Variants in LRIG1 observed in about 807,000 individuals in gnomAD.
LRIG1 encodes the protein leucine-rich repeats and immunoglobulin-like domains protein 1.
LRIG1 carries 48 observed loss-of-function variants against 99.2 expected under a neutral mutation model. The observed-to-expected ratio is 0.48, with a 90% confidence interval of 0.38 to 0.62. LRIG1 has a LOEUF of 0.62. Ranked by LOEUF, LRIG1 falls within the 20% of genes least tolerant of loss-of-function variation. LRIG1 has a pLI of 0.00. For missense variants in LRIG1, 1,646 were observed against 1,434.4 expected, an observed-to-expected ratio of 1.15 and a Z score of -2.38; for synonymous variants, 772 against 596.1, an observed-to-expected ratio of 1.29 and a Z score of -4.30.
At chr3:66,428,418 C>A (rs889362972) in intron 3 of LRIG1, among the ~76,000 whole-genome samples, 1 of 152,106 alleles carries the variant, frequency 6.6e-6, no homozygotes, top group African/African-American at 2.4e-5. Flanking sequence ...CAAGCTCAAT[C>A]TAATCTTCTT....
chr3:66,495,835 G>A (rs978764731), intron 1 of LRIG1, among the ~76,000 whole-genome samples: 3 of 152,218 alleles, frequency 2.0e-5, no homozygotes, highest in African/African-American at 4.8e-5. Context: ...AGAGGAGGCT[G>A]AAGACTTTGC....
chr3:66,405,861 G>T (rs893366634), intron 8 of LRIG1: 8 of 1,097,484 alleles, frequency 7.3e-6, no homozygotes, highest in South Asian at 2.2e-5. Flanking sequence ...TGACCCACTC[G>T]CCAGGATCAG....
At chr3:66,491,917 GAAGT>G (rs1424573871) in intron 1 of LRIG1, among the ~76,000 whole-genome samples, 1 of 152,180 alleles carries the variant, frequency 6.6e-6, no homozygotes, top group African/African-American at 2.4e-5. Context: ...CAGAGCAACA[GAAGT>G]GAGTTAGTTT....
At chr3:66,428,378 G>GGGGAGGGCCTGGGGCCACC (rs1703049647) in intron 3 of LRIG1, among the ~76,000 whole-genome samples, 1 of 152,122 alleles carries the variant, frequency 6.6e-6, no homozygotes, top group South Asian at 2.1e-4. Flanking sequence ...AAACACATTA[G>GGGGAGGGCCTGGGGCCACC]GAATATAGCC....
intron 1 of LRIG1, chr3:66,498,028 A>G (rs191839299): frequency 9.8e-5 from 15 of 152,374 alleles, no homozygotes; most frequent in Admixed American, 9.1e-4. Context: ...AGAAGTCTGA[A>G]GTCTAGAAAA....
intron 3 of LRIG1, among the ~76,000 whole-genome samples, chr3:66,445,442 C>T (rs150567290): frequency 1.3e-5 from 2 of 152,068 alleles, no homozygotes; most frequent in Non-Finnish European, 2.9e-5. Flanking sequence ...CACTCTTAAT[C>T]TGGTGACTGG....
chr3:66,402,192 C>T (rs1007668866), intron 9 of LRIG1, among the ~76,000 whole-genome samples: 5 of 152,216 alleles, frequency 3.3e-5, no homozygotes, highest in African/African-American at 1.2e-4. Flanking sequence ...TCACTAACTG[C>T]TCCTCTCTGC....
chr3:66,399,151 G>A, intron 9 of LRIG1, 110 bp from the exon 10 acceptor site: 1 of 887,852 alleles, frequency 1.1e-6, no homozygotes, highest in Non-Finnish European at 1.8e-6. Context: ...AGTGCTACCT[G>A]ATAAGTCTGT....
At chr3:66,479,555 A>G (rs1700800801) in intron 1 of LRIG1, among the ~76,000 whole-genome samples, 1 of 152,234 alleles carries the variant, frequency 6.6e-6, no homozygotes, top group Non-Finnish European at 1.5e-5. Flanking sequence ...AGCTGCTTGA[A>G]ATTGTACTTT....
In LRIG1 at chr3:66,412,972, G is replaced by A. The variant is rs746285006; in HGVS notation, c.690C>T (p.Thr230=). The A allele has an allele frequency of 2.5e-6, 4 of 1,614,128 alleles. No individual in the cohort carries two copies. Among genetic ancestry groups the A allele is most frequent in the East Asian group, 2.2e-5 (1 of 44,892 alleles). ...CCTCCAAGCTGTTGAGCCCCTGGAA[G>A]GTGAGGCCCTCTATCAGCCGAATCC... is the stretch of plus-strand genomic sequence containing the variant. ...RNRIRLIEGL[T]FQGLNSLEVL... is the part of the protein sequence containing the mutation. Residue 230 remains threonine (T), a synonymous_variant, in exon 6 of 19, where the codon ACC becomes ACT. Transcript: ENST00000273261.
In LRIG1 at chr3:66,500,309, G is replaced by T. The variant is rs558132678; in HGVS notation, c.99C>A (p.Ala33=). 6.8e-7 allele frequency: 1 copy of T among 1,477,404 alleles called. No individual in the cohort carries two copies. 91.5% of individuals were successfully genotyped at this position (1,477,404 alleles called of 1,614,324 possible). A position where few individuals can be genotyped will look rare whatever the true frequency, so the allele number is the denominator to read the frequency against. ...LLLLRLEPVT[A]AAGPRAPCAA... The stretch of plus-strand genomic sequence containing the variant: ...CGCAGGGCGCCCGCGGGCCGGCCGC[G>T]GCGGTCACCGGCTCCAGCCGAAGCA... The change falls in exon 1 of 19, where the codon GCC becomes GCA. Residue 33 remains alanine, a synonymous_variant. Transcript: ENST00000273261.
intron 3 of LRIG1, among the ~76,000 whole-genome samples, chr3:66,421,731 T>C (rs186840641): frequency 1.3e-5 from 2 of 152,312 alleles, no homozygotes; most frequent in Non-Finnish European, 2.9e-5. Flanking sequence ...AGGGACTCTG[T>C]GTGGGGGATC....
chr3:66,430,823 A>T (rs575252870), intron 3 of LRIG1, among the ~76,000 whole-genome samples: 1 of 152,294 alleles, frequency 6.6e-6, no homozygotes, highest in South Asian at 2.1e-4. Context: ...GGGTCAGAAG[A>T]GCCAAACGTA....
At chr3:66,428,128 T>A (rs929903145) in intron 3 of LRIG1, among the ~76,000 whole-genome samples, 2 of 152,230 alleles carry the variant, frequency 1.3e-5, no homozygotes, top group Non-Finnish European at 2.9e-5. Flanking sequence ...TTCTGGTGCA[T>A]GTCTGCATGC....
At chr3:66,469,640 C>T (rs1172077390) in intron 1 of LRIG1, among the ~76,000 whole-genome samples, 1 of 152,172 alleles carries the variant, frequency 6.6e-6, no homozygotes, top group African/African-American at 2.4e-5. Flanking sequence ...TACATCTTTT[C>T]CCTCTAGCAC....
At chr3:66,451,672 G>A (rs1464275918) in intron 2 of LRIG1, 39 bp from the exon 3 acceptor site, 1 of 1,463,984 alleles carries the variant, frequency 6.8e-7, no homozygotes, top group Non-Finnish European at 9.6e-7. Context: ...TAAGGCATTT[G>A]AATTAGTCTG....
chr3:66,445,756 T>C (rs917958247), intron 3 of LRIG1, among the ~76,000 whole-genome samples: 1 of 152,200 alleles, frequency 6.6e-6, no homozygotes, highest in Non-Finnish European at 1.5e-5. Context: ...AGGCAGGCAG[T>C]GAAGAGAAGG....
At chr3:66,414,341 G>C (rs1053897681) in intron 5 of LRIG1, among the ~76,000 whole-genome samples, 2 of 151,954 alleles carry the variant, frequency 1.3e-5, no homozygotes, top group Admixed American at 6.6e-5. Flanking sequence ...AGCTTGCAGT[G>C]AGCTGAGATC....
At chr3:66,467,210 A>G (rs1016575370) in intron 1 of LRIG1, among the ~76,000 whole-genome samples, 2 of 152,202 alleles carry the variant, frequency 1.3e-5, no homozygotes, top group African/African-American at 4.8e-5. Context: ...GAATCCGAAG[A>G]GCTAAAGTCC....
Sources: gnomAD v4.1 joint callset for allele counts (sites outside exome capture counted in the v4.1 genomes callset) on GRCh38, gnomAD v4.1.1 for gene constraint, MANE v1.5 for transcripts, NCBI Gene and HGNC (gene_info 2026-07-23, HGNC 2026-07-21) for gene names.